TKT: variants seen among roughly 807,000 people sequenced by gnomAD.
TKT encodes the protein transketolase.
Under a neutral mutation model 63.9 loss-of-function variants are expected in TKT, and 47 were observed. That is an observed-to-expected ratio of 0.74 (90% confidence interval 0.58 to 0.94). The LOEUF (loss-of-function observed/expected upper bound fraction) is 0.94. Ranked by LOEUF, TKT falls within the 40% of genes least tolerant of loss-of-function variation. The probability of loss-of-function intolerance (pLI) is 0.00; values close to 1 mark genes in which losing one functional copy is unlikely to be tolerated. For synonymous variants in TKT, 338 were observed against 334.1 expected, an observed-to-expected ratio of 1.01 and a Z score of -0.13; for missense variants, 721 against 846.2, an observed-to-expected ratio of 0.85 and a Z score of 1.84.
rs927415860 is a variant in TKT, at chr3:53,225,200, T to C, written c.*556A>G. On this transcript the variant is annotated 3_prime_UTR_variant, in exon 14 of 14. Transcript: ENST00000462138. ...CCCCCAGGACGAAGGCTGCCCTGTC[T>C]CTGCTTCTCTGAGATGCCTAGTTAA... The C allele has an allele frequency of 1.3e-5, 2 of 152,282 alleles. No individual in the cohort carries two copies. The highest frequency in any genetic ancestry group is 4.8e-5 in the African/African-American group (2 of 41,456). 9.4% of individuals were successfully genotyped at this position (152,282 alleles called of 1,614,324 possible).
intron 1 of TKT, among the ~76,000 whole-genome samples, chr3:53,242,819 C>T (rs1228655740): frequency 2.0e-5 from 3 of 152,174 alleles, no homozygotes; most frequent in African/African-American, 7.2e-5. Flanking sequence ...GGGACTGAGG[C>T]TCATGGAGTT....
intron 1 of TKT, among the ~76,000 whole-genome samples, chr3:53,248,222 G>A (rs1362821936): frequency 2.6e-5 from 4 of 152,214 alleles, no homozygotes; most frequent in African/African-American, 9.7e-5. Flanking sequence ...CACAGAAAGT[G>A]ACTTGCCTAA....
chr3:53,229,112 G>T lies in TKT; in HGVS notation c.1290C>A (p.Ala430=). The change falls in exon 10 of 14, where the codon GCC becomes GCA. Residue 430 remains alanine (A), a synonymous_variant. Coordinates refer to ENST00000462138, the MANE Select transcript of TKT (RefSeq NM_001064.4). ...ACCGAAACATAGCCAGATCTTCTAG[G>T]GCCATCTGGGAGGGCCCGTCTTCCC... ...SIGEDGPSQM[A]LEDLAMFRSV... The T allele has an allele frequency of 6.2e-7, 1 of 1,614,124 alleles. No homozygotes were observed.
chr3:53,249,670 G>C (rs1553681391), intron 1 of TKT, among the ~76,000 whole-genome samples: 1 of 152,164 alleles, frequency 6.6e-6, no homozygotes, highest in East Asian at 1.9e-4. Flanking sequence ...CAGCTGTGTA[G>C]TCCTCGGAGA....
rs118058312 is a variant in TKT, at chr3:53,225,478, G to A, written c.*278C>T. On this transcript the variant is annotated 3_prime_UTR_variant, in exon 14 of 14. Coordinates refer to ENST00000462138, the MANE Select transcript of TKT (RefSeq NM_001064.4). ...CACCTGGTGATGAATGGGAGGCAGCGATAGTTCTGGAGGTTGAGGGCAGTT... is the reference window on the plus strand; with the variant it reads ...CACCTGGTGATGAATGGGAGGCAGCAATAGTTCTGGAGGTTGAGGGCAGTT... The A allele has an allele frequency of 1.5e-3, 451 of 298,646 alleles. 3 individuals carry two copies. The East Asian group carries it at 0.024, about 16-fold the overall frequency. The allele number at this position is 298,646 out of a possible 1,614,324, so 18.5% of individuals were successfully genotyped here. A position where few individuals can be genotyped will look rare whatever the true frequency, so the allele number is the denominator to read the frequency against.
At position 53,229,372 on chromosome 3, in the gene TKT, G is replaced by A; in HGVS notation, c.1172C>T (p.Ala391Val). 6.2e-7 allele frequency: 1 copy of A among 1,613,466 alleles called. No individual in the cohort carries two copies. Among genetic ancestry groups the A allele is most frequent in the Non-Finnish European group, 8.5e-7 (1 of 1,179,730 alleles). The change falls in exon 9 of 14, where the codon GCC (alanine) becomes GTC (valine). Residue 391 changes from alanine (A) to valine (V), a missense_variant. Coordinates refer to ENST00000462138, the MANE Select transcript of TKT (RefSeq NM_001064.4). Reference sequence around the variant, plus strand: ...CTGGTCAAAGGCCCGCGTGAAGAAGGCTGCAAAAGTGCTGCAGAAGGGCAC... The same window carrying A: ...CTGGTCAAAGGCCCGCGTGAAGAAGACTGCAAAAGTGCTGCAGAAGGGCAC... ...RTVPFCSTFA[A>V]FFTRAFDQIR...
chr3:53,238,859 A>G (rs1705148696), intron 4 of TKT, among the ~76,000 whole-genome samples: 1 of 152,228 alleles, frequency 6.6e-6, no homozygotes, highest in Admixed American at 6.5e-5. Context: ...GGTGGAACCC[A>G]ATACAGCACA....
intron 1 of TKT, among the ~76,000 whole-genome samples, chr3:53,242,962 T>A (rs782001451): frequency 1.3e-5 from 2 of 152,142 alleles, no homozygotes; most frequent in African/African-American, 4.8e-5. Context: ...CTGTAGCAAC[T>A]AGGAAACAGG....
chr3:53,240,244 G>A lies in TKT; in HGVS notation c.437+7C>T, dbSNP rs1553679488. The stretch of plus-strand genomic sequence containing the variant: ...CCCAGGTTGGGGGTGGGGAGTAGGT[G>A]TGTTACCTGGCCTTGTCGAAGTATT... On this transcript the variant is annotated splice_region_variant and intron_variant, in intron 4 of 13. Coordinates refer to ENST00000462138, the MANE Select transcript of TKT (RefSeq NM_001064.4). 1.9e-6 allele frequency: 3 copies of A among 1,610,434 alleles called. No homozygotes were observed. The highest frequency in any genetic ancestry group is 2.5e-6 in the Non-Finnish European group (3 of 1,177,274).
At chr3:53,233,354 T>C in intron 5 of TKT, 80 bp from the exon 6 acceptor site, 2 of 1,211,868 alleles carry the variant, frequency 1.7e-6, no homozygotes, top group Non-Finnish European at 2.3e-6. Context: ...AGGTCTGCCT[T>C]GGCAGCTGGG....
chr3:53,227,797 C>G (rs1247406440), intron 12 of TKT: 3 of 409,738 alleles, frequency 7.3e-6, no homozygotes, highest in African/African-American at 6.1e-5. Context: ...ACTGATCTGG[C>G]CACCATGCTG....
At position 53,240,295 on chromosome 3, in the gene TKT, G is replaced by T. The variant is rs11556002; in HGVS notation, c.393C>A (p.Ala131=). ...TGCCGGTGTAGGCCATCCCACAAGC[G>T]GCCCCGAGGCCCTGGCCCAGGGAGC... ...ATGSLGQGLG[A]ACGMAYTGKY... is the part of the protein sequence containing the mutation. Residue 131 remains alanine (A), a synonymous_variant, in exon 4 of 14, where the codon GCC becomes GCA. Coordinates refer to ENST00000462138, the MANE Select transcript of TKT (RefSeq NM_001064.4). 6.2e-7 allele frequency: 1 copy of T among 1,613,282 alleles called. No homozygotes were observed. Among genetic ancestry groups the T allele is most frequent in the Non-Finnish European group, 8.5e-7 (1 of 1,179,568 alleles).
intron 1 of TKT, 113 bp from the exon 2 acceptor site, chr3:53,242,355 T>C: frequency 9.8e-7 from 1 of 1,018,464 alleles, no homozygotes; most frequent in African/African-American, 1.6e-5. Context: ...CACACAGGCC[T>C]GGCTTATCAG....
chr3:53,245,316 A>G (rs1233420727), intron 1 of TKT, among the ~76,000 whole-genome samples: 1 of 151,140 alleles, frequency 6.6e-6, no homozygotes, highest in Non-Finnish European at 1.5e-5. Flanking sequence ...CAAAAAAAAA[A>G]AAAAAAAAGC....
rs781867972 is a variant in TKT, at chr3:53,229,449, G to A, written c.1108-13C>T. On this transcript the variant is annotated splice_polypyrimidine_tract_variant and intron_variant, in intron 8 of 13. Transcript: ENST00000462138. Reference sequence around the variant, plus strand: ...CCGCGATGCTCACCTGGGGGCAGGTGGGACAGGGTCAGCCCAAAGGGGCAG... The same window carrying A: ...CCGCGATGCTCACCTGGGGGCAGGTAGGACAGGGTCAGCCCAAAGGGGCAG... 1.3e-6 allele frequency: 2 copies of A among 1,596,562 alleles called. No homozygotes were observed. The highest frequency in any genetic ancestry group is 8.5e-7 in the Non-Finnish European group (1 of 1,172,210).
At chr3:53,241,816 C>A in intron 2 of TKT, 1 of 369,486 alleles carries the variant, frequency 2.7e-6, no homozygotes, top group Non-Finnish European at 5.2e-6. Flanking sequence ...TCCTGCCTGT[C>A]AACACCCAGA....
intron 1 of TKT, among the ~76,000 whole-genome samples, chr3:53,250,093 A>G (rs1049478245): frequency 6.6e-6 from 1 of 152,188 alleles, no homozygotes; most frequent in Non-Finnish European, 1.5e-5. Context: ...CCTGCAGAGG[A>G]GAGGTCACTC....
Position 53,241,125 on chromosome 3 carries a change from C to T in TKT, c.339+7G>A. 3 of 1,549,426 alleles carry T rather than the reference C, an allele frequency of 1.9e-6. No homozygotes were observed. Among genetic ancestry groups the T allele is most frequent in the Non-Finnish European group, 2.6e-6 (3 of 1,156,662 alleles). On this transcript the variant is annotated splice_region_variant and intron_variant, in intron 3 of 13. Coordinates refer to ENST00000462138, the MANE Select transcript of TKT (RefSeq NM_001064.4). ...GAGGCATGGGAGGCTCTGGCAGGAG[C>T]ACTTACCGGGACCGGGTGCCCGTCC...
Position 53,228,323 on chromosome 3 carries a change from C to A in TKT, c.1432G>T (p.Ala478Ser). The change falls in exon 11 of 14, where the codon GCC becomes TCC. Residue 478 changes from alanine to serine, a missense_variant. By Grantham distance (99) the Ala-to-Ser change is moderately conservative. Transcript: ENST00000462138. ...TCCTCATTGTTGTTATAGATGATGGCATTTTCTGGGCGGCTGGTCCGGATG... is the reference window on the plus strand; with the variant it reads ...TCCTCATTGTTGTTATAGATGATGGAATTTTCTGGGCGGCTGGTCCGGATG... ...CFIRTSRPEN[A>S]IIYNNNEDFQ... The A allele has an allele frequency of 6.2e-7, 1 of 1,614,194 alleles. No homozygotes were observed. Among genetic ancestry groups the A allele is most frequent in the Non-Finnish European group, 8.5e-7 (1 of 1,180,026 alleles).
Sources: gnomAD v4.1 joint callset for allele counts (sites outside exome capture counted in the v4.1 genomes callset) on GRCh38, gnomAD v4.1.1 for gene constraint, MANE v1.5 for transcripts, NCBI Gene and HGNC (gene_info 2026-07-23, HGNC 2026-07-21) for gene names.